GLIS3: variants seen among roughly 807,000 people sequenced by gnomAD.
GLIS3 encodes zinc finger protein GLIS3.
A neutral mutation model predicts 78.6 loss-of-function variants in GLIS3; 53 were observed. That is an observed-to-expected ratio of 0.67 (90% CI 0.54 to 0.85). The LOEUF is 0.85. GLIS3 is among the 40% of genes least tolerant of loss of function. The pLI, the probability that GLIS3 is intolerant of heterozygous loss-of-function variation, is 0.00. For missense variants in GLIS3, 1,703 were observed against 1,231.1 expected (o/e 1.38, Z -5.74); for synonymous variants, 684 against 509.9 (o/e 1.34, Z -4.60).
intron 2 of GLIS3, among the ~76,000 whole-genome samples, chr9:4,327,348 G>T (rs867431377): frequency 3.3e-5 from 5 of 152,182 alleles, no homozygotes; most frequent in East Asian, 1.9e-4. Context: ...GGGGAAGAGG[G>T]AGGAGAGGAG....
At chr9:4,064,910 T>A (rs372827588) in intron 4 of GLIS3, among the ~76,000 whole-genome samples, 1 of 152,262 alleles carries the variant, frequency 6.6e-6, no homozygotes, top group South Asian at 2.1e-4. Context: ...GGGTCCTGAA[T>A]CCCCAGGGAG....
rs1177085433 is a variant in GLIS3 at position 4,118,829 on chromosome 9, T to C, written c.649A>G (p.Ser217Gly). The C allele has an allele frequency of 6.2e-7, 1 of 1,606,412 alleles. No homozygotes were observed. Among genetic ancestry groups the C allele is most frequent in the Non-Finnish European group, 8.5e-7 (1 of 1,179,954 alleles). The part of the protein sequence containing the change: ...LASTTLSLTE[S>G]QSASSMKQEW... ...TGCTTCATGCTTGAGGCCGACTGAC[T>C]TTCCGTCAGACTCAAGGTCGTGGAC... The change falls in exon 4 of 11, where the codon AGT (serine) becomes GGT (glycine). Residue 217 changes from serine to glycine, a missense_variant. Transcript: ENST00000381971. The surrounding 1 kb of genome is among the most constrained non-coding windows in gnomAD (Gnocchi z 4.7).
the GLIS3 span, among the ~76,000 whole-genome samples, chr9:4,438,667 G>T: frequency 6.6e-6 from 1 of 152,306 alleles, no homozygotes; most frequent in South Asian, 2.1e-4. Flanking sequence ...GAAGATAATT[G>T]AGTCATGCAA....
chr9:4,097,058 G>C (rs1337423141), intron 4 of GLIS3, among the ~76,000 whole-genome samples: 2 of 152,022 alleles, frequency 1.3e-5, no homozygotes, highest in Non-Finnish European at 2.9e-5. Context: ...GAAACAAAGG[G>C]TGAGATACGC....
chr9:3,878,722 C>T (rs772025605), intron 8 of GLIS3: 2 of 152,694 alleles, frequency 1.3e-5, no homozygotes, highest in South Asian at 4.1e-4. Context: ...AGCATCCAAC[C>T]TCCTTCCAAA....
At chr9:4,293,928 C>T (rs1230006488) in intron 1 of GLIS3, among the ~76,000 whole-genome samples, 1 of 152,248 alleles carries the variant, frequency 6.6e-6, no homozygotes, top group Non-Finnish European at 1.5e-5. Flanking sequence ...CTGCCCTCAG[C>T]TACTGAGAAC....
intron 4 of GLIS3, among the ~76,000 whole-genome samples, chr9:3,971,441 AT>A (rs1818375875): frequency 6.6e-6 from 1 of 152,190 alleles, no homozygotes; most frequent in Non-Finnish European, 1.5e-5. Context: ...TAAAAATGGT[AT>A]TTTTCAGAAA....
At chr9:4,470,416 T>G in the GLIS3 span, among the ~76,000 whole-genome samples, 1 of 152,116 alleles carries the variant, frequency 6.6e-6, no homozygotes, top group South Asian at 2.1e-4. Flanking sequence ...ACGATCAAGT[T>G]GGCTTCATCC....
At chr9:4,149,913 T>C (rs907744403) in intron 2 of GLIS3, among the ~76,000 whole-genome samples, 4 of 152,380 alleles carry the variant, frequency 2.6e-5, no homozygotes, top group South Asian at 4.1e-4. Flanking sequence ...TTATCTGCAC[T>C]TGCATATATC....
intron 8 of GLIS3, among the ~76,000 whole-genome samples, chr9:3,875,108 A>G (rs1821228899): frequency 1.3e-5 from 2 of 152,356 alleles, no homozygotes; most frequent in East Asian, 1.9e-4. Flanking sequence ...CAGACATACT[A>G]TGAAACTCAT....
At chr9:3,828,801 TG>T (rs1451939805) in intron 10 of GLIS3, among the ~76,000 whole-genome samples, 3 of 151,864 alleles carry the variant, frequency 2.0e-5, no homozygotes, top group African/African-American at 7.3e-5. Context: ...GAGAGGCATG[TG>T]GGGTCAAGGG....
Position 4,012,305 on chromosome 9 carries a change from T to C in GLIS3, c.1711-75116A>G, listed in dbSNP as rs570916133. Among the ~76,000 whole-genome samples, 8 of 152,320 alleles carry C rather than the reference T, an allele frequency of 5.3e-5. No homozygotes were observed. In the South Asian group the frequency reaches 1.4e-3, roughly 28 times the overall value. On this transcript the variant is annotated intron_variant, in intron 4 of 10. Transcript: ENST00000381971. The stretch of plus-strand genomic sequence containing the variant: ...GTGAATAAACAAACCGATGAATTTC[T>C]ATTAGGTATTGGAAGAGTGTGGTTA...
At chr9:4,386,956 A>G in the GLIS3 span, among the ~76,000 whole-genome samples, 1 of 152,272 alleles carries the variant, frequency 6.6e-6, no homozygotes, top group South Asian at 2.1e-4. Context: ...AGGATCACAG[A>G]ACTCTCACCC....
intron 4 of GLIS3, among the ~76,000 whole-genome samples, chr9:4,082,874 C>T (rs752032678): frequency 5.9e-5 from 9 of 152,174 alleles, no homozygotes; most frequent in East Asian, 3.8e-4. Flanking sequence ...ATTTCCCATA[C>T]ATATTTTTCG....
At chr9:4,139,576 G>T (rs765381044) in intron 2 of GLIS3, among the ~76,000 whole-genome samples, 9 of 152,124 alleles carry the variant, frequency 5.9e-5, no homozygotes, top group Non-Finnish European at 1.3e-4. Flanking sequence ...CACATTCAGT[G>T]TGAAGGGAGG....
the GLIS3 span, among the ~76,000 whole-genome samples, chr9:4,484,240 T>C: frequency 1.7e-5 from 2 of 117,488 alleles, no homozygotes; most frequent in East Asian, 4.2e-4. Flanking sequence ...TTTTTTTTTA[T>C]TTTTTTTATT....
upstream of GLIS3, among the ~76,000 whole-genome samples, chr9:4,300,512 G>A (rs1007000593): frequency 3.3e-5 from 5 of 152,098 alleles, no homozygotes; most frequent in African/African-American, 4.8e-5. Flanking sequence ...CTTCGAAACT[G>A]GATAGGTGAA....
intron 4 of GLIS3, among the ~76,000 whole-genome samples, chr9:3,940,207 T>C (rs1315973213): frequency 6.6e-6 from 1 of 152,220 alleles, no homozygotes; most frequent in African/African-American, 2.4e-5. Context: ...TTATAAAAGA[T>C]TGTTACAAAA....
At chr9:4,033,043 C>T (rs758560669) in intron 4 of GLIS3, among the ~76,000 whole-genome samples, 22 of 151,962 alleles carry the variant, frequency 1.4e-4, no homozygotes, top group Non-Finnish European at 2.4e-4. Flanking sequence ...TTAGTAGAGA[C>T]GGGGTTTCAC....
Sources: gnomAD v4.1 joint callset for allele counts (sites outside exome capture counted in the v4.1 genomes callset) on GRCh38, gnomAD v4.1.1 for gene constraint, Gnocchi (gnomAD v3.1) non-coding constraint, MANE v1.5 for transcripts, NCBI Gene and HGNC (gene_info 2026-07-23, HGNC 2026-07-21) for gene names.